B3GALNT2: variants seen among roughly 807,000 people sequenced by gnomAD.
B3GALNT2 encodes the protein beta-1,3-N-acetylgalactosaminyltransferase 2.
In B3GALNT2, 53 loss-of-function variants were observed where a neutral mutation model predicts 61.1. The ratio of observed to expected loss-of-function variants is 0.87; its 90% CI spans 0.70 to 1.09. The LOEUF is 1.09. B3GALNT2 is among the 50% of genes least tolerant of loss of function. The pLI is 0.00. For missense variants in B3GALNT2, 544 were observed against 623.0 expected, an observed-to-expected ratio of 0.87 and a Z score of 1.35; for synonymous variants, 223 against 237.4, an observed-to-expected ratio of 0.94 and a Z score of 0.56.
Position 235,455,577 on chromosome 1 carries a change from G to A in B3GALNT2, c.1133C>T (p.Pro378Leu), listed in dbSNP as rs1683125553. 6.2e-7 allele frequency: 1 copy of A among 1,612,776 alleles called. No homozygotes were observed. The highest frequency in any genetic ancestry group is 2.2e-5 in the East Asian group (1 of 44,874). The change falls in exon 9 of 12, where the codon CCT becomes CTT. Residue 378 changes from proline (P) to leucine (L), a missense_variant. By Grantham distance (98) the Pro-to-Leu change is moderately conservative. Coordinates refer to ENST00000366600, the MANE Select transcript of B3GALNT2 (RefSeq NM_152490.5). ...NRIVQKNLDG[P>L]NFWWGNFRLN... is the part of the protein sequence containing the mutation. ...AACTTACTTTCCCCACCAAAAATTA[G>A]GCCCATCCAGATTCTTTTGGACAAT...
chr1:235,446,872 T>G (rs753924035), downstream of B3GALNT2, among the ~76,000 whole-genome samples: 6 of 151,896 alleles, frequency 4.0e-5, no homozygotes, highest in Non-Finnish European at 1.5e-5. Context: ...TTTGTAGAGA[T>G]GGGGTATCCT....
chr1:235,456,125 C>T (rs556783714), intron 8 of B3GALNT2, among the ~76,000 whole-genome samples: 5 of 152,124 alleles, frequency 3.3e-5, no homozygotes, highest in Admixed American at 2.6e-4. Context: ...AAGATGCATC[C>T]GATGCTATTT....
At chr1:235,490,474 G>A (rs1572550151) in intron 2 of B3GALNT2, among the ~76,000 whole-genome samples, 2 of 152,178 alleles carry the variant, frequency 1.3e-5, no homozygotes, top group East Asian at 3.9e-4. Flanking sequence ...CAAGTGATCT[G>A]CCTGCCTTGG....
chr1:235,442,004 G>GA, the B3GALNT2 span: 279 of 805,304 alleles, frequency 3.5e-4, no homozygotes, highest in East Asian at 6.7e-4. Context: ...AGTTTTAAAT[G>GA]AAAATTTTTT....
chr1:235,448,885 T>TAA lies in B3GALNT2; in HGVS notation c.*1319_*1320dup, dbSNP rs1553341853. On this transcript the variant is annotated 3_prime_UTR_variant, in exon 12 of 12. Transcript: ENST00000366600. ...GGGGGTTTACAACTTGTCCTAAGTA[T>TAA]AACAAGGGATGTATTTTTTGTTGGG... The TAA allele has an allele frequency of 6.6e-6, 5 of 755,198 alleles. No homozygotes were observed. Among genetic ancestry groups the TAA allele is most frequent in the African/African-American group, 1.7e-5 (1 of 57,846 alleles). The allele number at this position is 755,198 out of a possible 1,614,324, so 46.8% of individuals were successfully genotyped here.
chr1:235,446,761 G>C (rs935072972), downstream of B3GALNT2, among the ~76,000 whole-genome samples: 1 of 150,694 alleles, frequency 6.6e-6, no homozygotes, highest in Non-Finnish European at 1.5e-5. Context: ...ACAGTGGCGC[G>C]ATCATGGCTC....
chr1:235,499,456 T>G (rs1685488477), intron 1 of B3GALNT2, among the ~76,000 whole-genome samples: 1 of 152,216 alleles, frequency 6.6e-6, no homozygotes, highest in South Asian at 2.1e-4. Context: ...ACAGAGCATC[T>G]CCTATGCTCA....
In B3GALNT2 at chr1:235,458,896, T is replaced by C. The variant is rs1038147724; in HGVS notation, c.842-110A>G. 6.1e-6 allele frequency: 6 copies of C among 981,626 alleles called. No individual in the cohort carries two copies. The African/African-American group carries it at 8.4e-5, about 14-fold the overall frequency. 60.8% of individuals were successfully genotyped at this position (981,626 alleles called of 1,614,324 possible). A position where few individuals can be genotyped will look rare whatever the true frequency, so the allele number is the denominator to read the frequency against. On this transcript the variant is annotated intron_variant, in intron 7 of 11. Transcript: ENST00000366600. ...CCCAAGGTAACCCAGCAGAAACACA[T>C]GCAGTTGTTTGGAACTTTAGGTAGA...
rs1488718032 is a variant in B3GALNT2, at chr1:235,447,967, T to C, written c.*2239A>G. Among the ~76,000 whole-genome samples the C allele has an allele frequency of 6.6e-6, 1 of 151,898 alleles. No homozygotes were observed. The highest frequency in any genetic ancestry group is 2.1e-4 in the South Asian group (1 of 4,818). On this transcript the variant is annotated 3_prime_UTR_variant, in exon 12 of 12. Transcript: ENST00000366600. The stretch of plus-strand genomic sequence containing the variant: ...GGCTCATGCTTGTAATCCCAGCACT[T>C]TGGGGGGCCAGGGCGGGCGGATCAC...
intron 6 of B3GALNT2, 42 bp downstream of exon 6, chr1:235,470,808 A>C: frequency 6.3e-7 from 1 of 1,597,250 alleles, no homozygotes. Context: ...TATTAAAAAG[A>C]AGCTAAAATA....
At chr1:235,472,007 G>C (rs1684032740) in intron 5 of B3GALNT2, among the ~76,000 whole-genome samples, 1 of 151,340 alleles carries the variant, frequency 6.6e-6, no homozygotes, top group African/African-American at 2.4e-5. Flanking sequence ...TTGGATTTCT[G>C]ATTCCTAGTG....
chr1:235,495,607 A>T (rs1685284754), intron 1 of B3GALNT2, among the ~76,000 whole-genome samples: 1 of 152,154 alleles, frequency 6.6e-6, no homozygotes, highest in African/African-American at 2.4e-5. Flanking sequence ...AGAAGGTCTA[A>T]TGGGCAGGGT....
chr1:235,491,106 G>A (rs1319623791), intron 2 of B3GALNT2, among the ~76,000 whole-genome samples: 1 of 149,012 alleles, frequency 6.7e-6, no homozygotes, highest in Admixed American at 6.7e-5. Context: ...AAAAAGTCAA[G>A]GAAGATACGA....
downstream of B3GALNT2, among the ~76,000 whole-genome samples, chr1:235,442,586 T>A (rs1294937038): frequency 2.0e-5 from 3 of 152,212 alleles, no homozygotes; most frequent in Non-Finnish European, 4.4e-5. Context: ...TGAACCAAAT[T>A]GTGATTTGTG....
At chr1:235,502,563 C>T (rs1318955533) in intron 1 of B3GALNT2, among the ~76,000 whole-genome samples, 1 of 152,190 alleles carries the variant, frequency 6.6e-6, no homozygotes, top group Non-Finnish European at 1.5e-5. Context: ...TTCTTCATTT[C>T]CTTAATCTAG....
chr1:235,453,705 C>A (rs559145831), intron 10 of B3GALNT2, among the ~76,000 whole-genome samples: 1 of 152,176 alleles, frequency 6.6e-6, no homozygotes, highest in South Asian at 2.1e-4. Flanking sequence ...CCTTGGCGTC[C>A]GAAAGTGCTA....
chr1:235,475,544 T>C (rs1460751637), intron 5 of B3GALNT2, among the ~76,000 whole-genome samples: 1 of 152,126 alleles, frequency 6.6e-6, no homozygotes, highest in Admixed American at 6.6e-5. Flanking sequence ...TCTTTGCTGA[T>C]GATATGCCAG....
intron 1 of B3GALNT2, among the ~76,000 whole-genome samples, chr1:235,501,014 A>G (rs1019365159): frequency 6.6e-6 from 1 of 152,242 alleles, no homozygotes; most frequent in Non-Finnish European, 1.5e-5. Context: ...GGGACTAGGC[A>G]TCCAGCACAG....
At chr1:235,480,874 C>T (rs1684527645) in intron 4 of B3GALNT2, among the ~76,000 whole-genome samples, 1 of 129,344 alleles carries the variant, frequency 7.7e-6, no homozygotes, top group Non-Finnish European at 1.6e-5. Context: ...CCACTGCACT[C>T]CAGCCTGGAC....
Sources: allele counts gnomAD v4.1 joint callset (sites outside exome capture counted in the v4.1 genomes callset), GRCh38; gene constraint gnomAD v4.1.1; transcripts MANE v1.5; gene names NCBI Gene and HGNC (gene_info 2026-07-23, HGNC 2026-07-21).